MDGA2: variants seen among roughly 807,000 people sequenced by gnomAD.
MDGA2 encodes MAM domain-containing glycosylphosphatidylinositol anchor protein 2.
MDGA2 carries 40 observed loss-of-function variants against 117.8 expected under a neutral mutation model. The ratio of observed to expected loss-of-function variants is 0.34; its 90% CI spans 0.26 to 0.44. The LOEUF (loss-of-function observed/expected upper bound fraction) is 0.44, where lower values mean the gene tolerates loss of function less well. Ranked by LOEUF, MDGA2 falls within the 20% of genes least tolerant of loss-of-function variation. The pLI, the probability that MDGA2 is intolerant of heterozygous loss-of-function variation, is 1.00. For missense variants in MDGA2, 1,123 were observed against 1,250.6 expected (o/e 0.90, Z 1.54); for synonymous variants, 452 against 439.0 (o/e 1.03, Z -0.37).
intron 1 of MDGA2, among the ~76,000 whole-genome samples, chr14:47,421,603 T>A (rs1256535451): frequency 1.3e-5 from 2 of 152,138 alleles, no homozygotes; most frequent in South Asian, 2.1e-4. Context: ...AATATTTATT[T>A]TGTATAATGT....
At chr14:47,602,325 T>G (rs1037081501) in intron 1 of MDGA2, among the ~76,000 whole-genome samples, 2 of 152,138 alleles carry the variant, frequency 1.3e-5, no homozygotes, top group African/African-American at 2.4e-5. Flanking sequence ...CTAAAAGCAC[T>G]AATTAATGCC....
chr14:47,493,008 A>G (rs539194500), intron 1 of MDGA2, among the ~76,000 whole-genome samples: 2 of 152,096 alleles, frequency 1.3e-5, no homozygotes, highest in Non-Finnish European at 2.9e-5. Context: ...ATTATTGTTG[A>G]TATTCTTGAA....
chr14:46,927,304 G>A (rs1884369331), intron 9 of MDGA2, among the ~76,000 whole-genome samples: 1 of 152,110 alleles, frequency 6.6e-6, no homozygotes, highest in Non-Finnish European at 1.5e-5. Flanking sequence ...CATATTAAAA[G>A]TAAGTAATAC....
chr14:47,055,308 T>C (rs889087821), intron 7 of MDGA2, among the ~76,000 whole-genome samples: 1 of 152,114 alleles, frequency 6.6e-6, no homozygotes, highest in Non-Finnish European at 1.5e-5. Flanking sequence ...AATCAGATCA[T>C]ATTGCCTCCC....
intron 9 of MDGA2, among the ~76,000 whole-genome samples, chr14:46,949,259 T>C (rs17117777): frequency 0.12 from 18,329 of 151,974 alleles, 2,112 homozygotes; most frequent in African/African-American, 0.28. Context: ...TAAAACACAG[T>C]CATACCCACA....
At chr14:47,099,405 T>C (rs72678486) in intron 5 of MDGA2, among the ~76,000 whole-genome samples, 16,946 of 151,946 alleles carry the variant, frequency 0.11, 1,086 homozygotes, top group Admixed American at 0.11. Flanking sequence ...AAAAATATTT[T>C]TGTCCATTAA....
intron 1 of MDGA2, among the ~76,000 whole-genome samples, chr14:47,351,123 G>A (rs1436960157): frequency 6.9e-6 from 1 of 144,074 alleles, no homozygotes; most frequent in East Asian, 2.1e-4. Flanking sequence ...TTGTCCCCCT[G>A]GCTGGAGTGC....
chr14:47,402,357 A>AAGAG (rs35758519), intron 1 of MDGA2, among the ~76,000 whole-genome samples: 3 of 137,774 alleles, frequency 2.2e-5, no homozygotes, highest in Admixed American at 7.5e-5. Flanking sequence ...CCGCAAAAAA[A>AAGAG]AGAGAGAGAG....
intron 8 of MDGA2, among the ~76,000 whole-genome samples, chr14:47,005,761 A>G (rs1199831713): frequency 6.6e-6 from 1 of 151,530 alleles, no homozygotes; most frequent in Non-Finnish European, 1.5e-5. Flanking sequence ...ATTGATACCA[A>G]TCTAATGCTA....
intron 3 of MDGA2, among the ~76,000 whole-genome samples, chr14:47,212,287 T>G (rs936656100): frequency 2.6e-5 from 4 of 152,126 alleles, no homozygotes; most frequent in Non-Finnish European, 5.9e-5. Flanking sequence ...ATAAATAAAG[T>G]GTGAGTATAA....
At chr14:47,568,871 A>G (rs956256091) in intron 1 of MDGA2, among the ~76,000 whole-genome samples, 3 of 152,178 alleles carry the variant, frequency 2.0e-5, no homozygotes, top group South Asian at 4.1e-4. Context: ...TTATGAAGTA[A>G]GCTTCTATTT....
At chr14:47,384,145 T>C (rs572266242) in intron 1 of MDGA2, among the ~76,000 whole-genome samples, 1 of 152,054 alleles carries the variant, frequency 6.6e-6, no homozygotes, top group East Asian at 1.9e-4. Context: ...TTACAAAGTA[T>C]TGTAAAATAG....
Position 47,383,612 on chromosome 14 carries a change from C to T in MDGA2, c.281-82062G>A, listed in dbSNP as rs183540834. Among the ~76,000 whole-genome samples, 134 of 152,206 alleles carry T rather than the reference C, an allele frequency of 8.8e-4. 1 individual carries two copies. The highest frequency in any genetic ancestry group is 2.8e-3 in the African/African-American group (116 of 41,544). ...GGAGTGCAGTGGCATGATCTCAGCT[C>T]AGTGCAACCTCCACTTCCTGGGTTC... On this transcript the variant is annotated intron_variant, in intron 1 of 16. Coordinates refer to ENST00000399232, the MANE Select transcript of MDGA2 (RefSeq NM_001113498.3).
chr14:47,089,220 A>G (rs1891019279), intron 6 of MDGA2, among the ~76,000 whole-genome samples: 1 of 152,186 alleles, frequency 6.6e-6, no homozygotes, highest in East Asian at 1.9e-4. Flanking sequence ...AGAAAATTAA[A>G]TATTTGTAAA....
chr14:47,662,265 C>T (rs574148485), intron 1 of MDGA2, among the ~76,000 whole-genome samples: 5 of 151,934 alleles, frequency 3.3e-5, no homozygotes, highest in East Asian at 3.9e-4. Flanking sequence ...AATACACATA[C>T]GCACTCTTAT....
chr14:47,457,962 C>G (rs1403653656), intron 1 of MDGA2, among the ~76,000 whole-genome samples: 1 of 151,086 alleles, frequency 6.6e-6, no homozygotes, highest in African/African-American at 2.4e-5. Context: ...CATTTTTATG[C>G]AATTAATTTA....
At chr14:47,634,087 T>A (rs932867665) in intron 1 of MDGA2, among the ~76,000 whole-genome samples, 1 of 152,152 alleles carries the variant, frequency 6.6e-6, no homozygotes, top group African/African-American at 2.4e-5. Context: ...AATGTTTGTA[T>A]AGTTTGACTC....
intron 2 of MDGA2, among the ~76,000 whole-genome samples, chr14:47,300,656 A>AT (rs1889246239): frequency 6.7e-6 from 1 of 149,306 alleles, no homozygotes; most frequent in African/African-American, 2.5e-5. Flanking sequence ...GGCCCAGATA[A>AT]TTTTTTAATT....
chr14:47,663,533 G>A (rs575855225), intron 1 of MDGA2, among the ~76,000 whole-genome samples: 11 of 152,316 alleles, frequency 7.2e-5, no homozygotes, highest in Non-Finnish European at 1.0e-4. Context: ...GTTTGCCAAA[G>A]AAAACGATTG....
Sources: gnomAD v4.1 joint callset for allele counts (sites outside exome capture counted in the v4.1 genomes callset) on GRCh38, gnomAD v4.1.1 for gene constraint, MANE v1.5 for transcripts, NCBI Gene and HGNC (gene_info 2026-07-23, HGNC 2026-07-21) for gene names.